The following STARD9 variants were observed in gnomAD, a reference collection of about 807,000 sequenced individuals.
STARD9 encodes the protein StAR related lipid transfer domain containing 9.
A neutral mutation model predicts 399.8 loss-of-function variants in STARD9; 346 were observed. The ratio of observed to expected loss-of-function variants is 0.87; its 90% CI spans 0.79 to 0.95. STARD9 has a LOEUF of 0.95. STARD9 is among the 40% of genes least tolerant of loss of function. The probability of loss-of-function intolerance (pLI) is 0.00; values close to 1 mark genes in which losing one functional copy is unlikely to be tolerated. For synonymous variants in STARD9, 2,203 were observed against 2,143.5 expected, an observed-to-expected ratio of 1.03 and a Z score of -0.77; for missense variants, 5,832 against 5,667.5, an observed-to-expected ratio of 1.03 and a Z score of -0.93.
chr15:42,596,015 A>G (rs116067069), intron 3 of STARD9, among the ~76,000 whole-genome samples: 1,663 of 152,354 alleles, frequency 0.011, 41 homozygotes, highest in African/African-American at 0.039. Context: ...ATTCTTGACA[A>G]TGTTTGCTGC....
At chr15:42,660,402 T>TA (rs1272315379) in intron 9 of STARD9, among the ~76,000 whole-genome samples, 3 of 151,572 alleles carry the variant, frequency 2.0e-5, no homozygotes, top group Non-Finnish European at 4.4e-5. Context: ...CTGTCTCTGC[T>TA]AAAAATACAA....
chr15:42,654,310 A>C (rs907882616), intron 9 of STARD9, among the ~76,000 whole-genome samples: 11 of 152,206 alleles, frequency 7.2e-5, no homozygotes, highest in Admixed American at 1.3e-4. Context: ...AGATTGCATA[A>C]AAGCAAGACC....
intron 15 of STARD9, among the ~76,000 whole-genome samples, chr15:42,666,824 AT>A (rs564756186): frequency 6.6e-6 from 1 of 151,756 alleles, no homozygotes; most frequent in Non-Finnish European, 1.5e-5. Context: ...TATTAATTTT[AT>A]TTTTTTTGAG....
At chr15:42,607,581 G>A (rs1250964441) in intron 3 of STARD9, among the ~76,000 whole-genome samples, 2 of 151,150 alleles carry the variant, frequency 1.3e-5, no homozygotes, top group Non-Finnish European at 2.9e-5. Flanking sequence ...ATTAGAGAGG[G>A]AAAGAATAAA....
At chr15:42,654,058 T>G (rs2059816908) in intron 9 of STARD9, among the ~76,000 whole-genome samples, 1 of 152,036 alleles carries the variant, frequency 6.6e-6, no homozygotes, top group African/African-American at 2.4e-5. Flanking sequence ...ACTAAGAAAA[T>G]AGCTCAAAAA....
chr15:42,677,388 A>G (rs1225280403), intron 20 of STARD9, among the ~76,000 whole-genome samples: 1 of 152,240 alleles, frequency 6.6e-6, no homozygotes, highest in Non-Finnish European at 1.5e-5. Context: ...CCTAGTGTTG[A>G]GTAACTGAGA....
At chr15:42,697,438 T>C (rs1233953806) in intron 26 of STARD9, among the ~76,000 whole-genome samples, 1 of 152,176 alleles carries the variant, frequency 6.6e-6, no homozygotes, top group African/African-American at 2.4e-5. Context: ...TTTTTTTCTC[T>C]TTTATTGCAT....
At chr15:42,642,937 T>C (rs1360484996) in intron 7 of STARD9, among the ~76,000 whole-genome samples, 3 of 152,120 alleles carry the variant, frequency 2.0e-5, no homozygotes, top group Non-Finnish European at 4.4e-5. Flanking sequence ...TAGCTGATAC[T>C]ACAGACATGT....
rs778297682 is a variant in STARD9, at chr15:42,688,257, G to A, written c.6679G>A (p.Val2227Ile). Residue 2227 changes from valine (V) to isoleucine (I), a missense_variant, in exon 23 of 33, where the codon GTA becomes ATA. Coordinates refer to ENST00000290607, the MANE Select transcript of STARD9 (RefSeq NM_020759.3). The part of the protein sequence containing the change: ...ERSSKNNGQF[V>I]KASASLKGQP... ...GTCTTCTAAGAATAATGGCCAGTTT[G>A]TAAAAGCATCAGCAAGTCTCAAAGG... 1 of 1,537,608 alleles carries A rather than the reference G, an allele frequency of 6.5e-7. No individual in the cohort carries two copies. Among genetic ancestry groups the A allele is most frequent in the Non-Finnish European group, 8.7e-7 (1 of 1,147,016 alleles).
At position 42,717,984 on chromosome 15, in the gene STARD9, G is replaced by T; in HGVS notation, c.13567G>T (p.Gly4523Cys). The change falls in exon 30 of 33, where the codon GGT becomes TGT. Residue 4523 changes from glycine (G) to cysteine (C), a missense_variant. By Grantham distance (159) the Gly-to-Cys change is radical. Coordinates refer to ENST00000290607, the MANE Select transcript of STARD9 (RefSeq NM_020759.3). Reference sequence around the variant, plus strand: ...CTTGGTGTCTCCCCCCAGCTATCAGGGTGAGGAGCAGGCGGTGCAGCTTTA... The same window carrying T: ...CTTGGTGTCTCCCCCCAGCTATCAGTGTGAGGAGCAGGCGGTGCAGCTTTA... ...CQATAGWNYQGEEQAVQLYYK... is the reference protein window; with the variant it reads ...CQATAGWNYQCEEQAVQLYYK... The T allele has an allele frequency of 6.5e-7, 1 of 1,537,128 alleles. No homozygotes were observed. The highest frequency in any genetic ancestry group is 8.7e-7 in the Non-Finnish European group (1 of 1,146,866).
chr15:42,588,061 A>G (rs1181306990), intron 3 of STARD9, among the ~76,000 whole-genome samples: 1 of 152,222 alleles, frequency 6.6e-6, no homozygotes, highest in African/African-American at 2.4e-5. Flanking sequence ...CTGTTAGCGG[A>G]AAGTATGAGC....
At chr15:42,668,042 C>A (rs892227677) in intron 15 of STARD9, among the ~76,000 whole-genome samples, 15 of 152,232 alleles carry the variant, frequency 9.9e-5, no homozygotes, top group African/African-American at 2.7e-4. Context: ...CATTAGCATT[C>A]TTGCATTATG....
intron 26 of STARD9, among the ~76,000 whole-genome samples, chr15:42,697,631 C>T (rs960780672): frequency 2.0e-5 from 3 of 152,098 alleles, no homozygotes; most frequent in African/African-American, 7.3e-5. Flanking sequence ...CCTCATGTGA[C>T]ACATTGAGTT....
chr15:42,576,524 G>A (rs2058060233), intron 1 of STARD9, among the ~76,000 whole-genome samples: 2 of 152,196 alleles, frequency 1.3e-5, no homozygotes, highest in East Asian at 3.8e-4. Context: ...ACCGCCAAGA[G>A]CAAAGGACTT....
chr15:42,680,351 G>A (rs1444613506), intron 20 of STARD9, among the ~76,000 whole-genome samples: 2 of 152,154 alleles, frequency 1.3e-5, no homozygotes, highest in Non-Finnish European at 2.9e-5. Context: ...TGTAGTCCTA[G>A]CACTTTGGGA....
chr15:42,584,817 T>G (rs2058242195), intron 2 of STARD9, among the ~76,000 whole-genome samples: 1 of 152,206 alleles, frequency 6.6e-6, no homozygotes, highest in Middle Eastern at 3.2e-3. Context: ...ATGGCCAAAC[T>G]ACTCACGTAC....
At chr15:42,709,839 T>C in intron 26 of STARD9, among the ~76,000 whole-genome samples, 1 of 152,236 alleles carries the variant, frequency 6.6e-6, no homozygotes. Flanking sequence ...TCATTTATTC[T>C]ACATTTATTA....
chr15:42,627,247 G>T (rs1359322567), intron 3 of STARD9, among the ~76,000 whole-genome samples: 1 of 152,120 alleles, frequency 6.6e-6, no homozygotes, highest in East Asian at 1.9e-4. Context: ...AGTAAGCTGT[G>T]ATTGTGCCAC....
intron 1 of STARD9, 21 bp downstream of exon 1, chr15:42,575,783 G>C: frequency 6.5e-7 from 1 of 1,536,590 alleles, no homozygotes; most frequent in Non-Finnish European, 8.7e-7. Context: ...GCGGGAGAGG[G>C]CGCCTGAGGC....
Sources: gnomAD v4.1 joint callset for allele counts (sites outside exome capture counted in the v4.1 genomes callset) on GRCh38, gnomAD v4.1.1 for gene constraint, MANE v1.5 for transcripts, NCBI Gene and HGNC (gene_info 2026-07-23, HGNC 2026-07-21) for gene names.